The following TEX11 variants were observed in gnomAD, a reference collection of about 807,000 sequenced individuals.
TEX11 encodes the protein testis-expressed protein 11.
In TEX11, 7 loss-of-function variants were observed where a neutral mutation model predicts 84.4. That is an observed-to-expected ratio of 0.08 (90% CI 0.05 to 0.16). The LOEUF (loss-of-function observed/expected upper bound fraction) is 0.16. Ranked by LOEUF, TEX11 falls within the 10% of genes least tolerant of loss-of-function variation. TEX11 has a pLI of 1.00. For synonymous variants in TEX11, 264 were observed against 222.8 expected (o/e 1.18, Z -1.64); for missense variants, 551 against 660.5 (o/e 0.83, Z 1.82).
intron 4 of TEX11, among the ~76,000 whole-genome samples, chrX:70,870,319 A>G (rs1201254989): frequency 9.0e-6 from 1 of 111,134 alleles, no homozygotes; most frequent in Non-Finnish European, 1.9e-5. Context: ...ATAAATGACT[A>G]ATAAATATCC....
At chrX:70,649,091 C>T (rs1411466058) in intron 17 of TEX11, among the ~76,000 whole-genome samples, 1 of 111,944 alleles carries the variant, frequency 8.9e-6, no homozygotes, top group Non-Finnish European at 1.9e-5. Context: ...TGTATATGTA[C>T]CACATTTTCT....
At chrX:70,872,485 C>T (rs186354136) in intron 4 of TEX11, among the ~76,000 whole-genome samples, 1 of 112,201 alleles carries the variant, frequency 8.9e-6, no homozygotes, top group East Asian at 2.8e-4. Context: ...AGAGGTTCAC[C>T]CTTTGGTATG....
chrX:70,875,299 T>C (rs934102635), intron 3 of TEX11, among the ~76,000 whole-genome samples: 1 of 111,499 alleles, frequency 9.0e-6, no homozygotes, highest in Non-Finnish European at 1.9e-5. Context: ...GGGGGGATAA[T>C]CTTTGCACTT....
At chrX:70,579,904 T>C (rs2088747412) in intron 25 of TEX11, among the ~76,000 whole-genome samples, 1 of 112,087 alleles carries the variant, frequency 8.9e-6, no homozygotes. Flanking sequence ...GGTGGGAACA[T>C]AAATTAGTAC....
intron 9 of TEX11, among the ~76,000 whole-genome samples, chrX:70,804,259 A>G (rs2091205769): frequency 8.9e-6 from 1 of 111,793 alleles, no homozygotes; most frequent in Non-Finnish European, 1.9e-5. Context: ...TCATATGTAA[A>G]CCCCACAACA....
chrX:70,778,808 G>A (rs1461257751), intron 9 of TEX11, among the ~76,000 whole-genome samples: 3 of 111,058 alleles, frequency 2.7e-5, no homozygotes, highest in Admixed American at 1.9e-4. Context: ...GACCAAAATG[G>A]TATGAAACTA....
chrX:70,826,236 G>A (rs760475132), intron 8 of TEX11, among the ~76,000 whole-genome samples: 3 of 109,157 alleles, frequency 2.7e-5, no homozygotes, highest in Non-Finnish European at 3.8e-5. Flanking sequence ...GTTTGAACCC[G>A]GGAGGCGAAG....
intron 28 of TEX11, among the ~76,000 whole-genome samples, chrX:70,537,045 G>A (rs2087969185): frequency 9.0e-6 from 1 of 111,323 alleles, no homozygotes; most frequent in Admixed American, 9.6e-5. Context: ...AAGTAGAAGG[G>A]GATTGAACTG....
intron 8 of TEX11, among the ~76,000 whole-genome samples, chrX:70,823,713 AAT>A (rs1349360005): frequency 9.0e-6 from 1 of 111,326 alleles, no homozygotes; most frequent in Non-Finnish European, 1.9e-5. Flanking sequence ...TAACCATCAA[AAT>A]AGTGTTTTAG....
At chrX:70,539,038 A>ATATT in intron 28 of TEX11, among the ~76,000 whole-genome samples, 6 of 41,243 alleles carry the variant, frequency 1.5e-4, no homozygotes, top group South Asian at 2.6e-3. Flanking sequence ...ATATATATAT[A>ATATT]TTTTTTTTTT....
At chrX:70,557,666 C>T (rs1021977670) in intron 25 of TEX11, among the ~76,000 whole-genome samples, 1 of 111,405 alleles carries the variant, frequency 9.0e-6, no homozygotes, top group African/African-American at 3.3e-5. Flanking sequence ...AAGATGATAA[C>T]ACTCCCCAAA....
chrX:70,777,386 C>G (rs1017538169), intron 9 of TEX11, among the ~76,000 whole-genome samples: 1 of 111,451 alleles, frequency 9.0e-6, no homozygotes, highest in African/African-American at 3.3e-5. Context: ...CAGTGGCTCA[C>G]GCCTGTAATC....
At position 70,566,986 on chromosome X, in the gene TEX11, T is replaced by C. The variant is rs188376122; in HGVS notation, c.2141-12186A>G. On this transcript the variant is annotated intron_variant, in intron 25 of 29. Coordinates refer to ENST00000374333, the MANE Select transcript of TEX11 (RefSeq NM_031276.3). ...ATAGTTTCAGAAGGAATGGTACCGGTTCCTCCTTGTACCTCTGGTAGAATT... is the reference window on the plus strand; with the variant it reads ...ATAGTTTCAGAAGGAATGGTACCGGCTCCTCCTTGTACCTCTGGTAGAATT... 3.6e-4 allele frequency among the ~76,000 whole-genome samples: 40 copies of C among 111,643 alleles called. No individual in the cohort carries two copies. In the East Asian group the frequency reaches 9.3e-3, roughly 26 times the overall value.
Position 70,691,825 on chromosome X carries a change from A to C in TEX11, c.1005-9000T>G, listed in dbSNP as rs927071907. 9.9e-5 allele frequency among the ~76,000 whole-genome samples: 11 copies of C among 111,424 alleles called. No individual in the cohort carries two copies. In the East Asian group the frequency reaches 1.1e-3, roughly 11 times the overall value. On this transcript the variant is annotated intron_variant, in intron 13 of 29. Coordinates refer to ENST00000374333, the MANE Select transcript of TEX11 (RefSeq NM_031276.3). ...ACAGATCTCAAGTATCCTCTCTATA[A>C]AAAAAGGTAACCATGAAGTGGATAT...
chrX:70,685,587 T>A (rs993340431), intron 13 of TEX11, among the ~76,000 whole-genome samples: 11 of 111,865 alleles, frequency 9.8e-5, no homozygotes, highest in African/African-American at 2.9e-4. Flanking sequence ...GCAAAAAAAA[T>A]TTTTAAAGCA....
intron 17 of TEX11, among the ~76,000 whole-genome samples, chrX:70,639,572 G>C (rs1179823117): frequency 1.8e-5 from 2 of 111,882 alleles, no homozygotes; most frequent in Non-Finnish European, 3.8e-5. Flanking sequence ...CTGGAGATCT[G>C]AGAACGGGCA....
chrX:70,526,029 G>T (rs998679281), downstream of TEX11, among the ~76,000 whole-genome samples: 9 of 111,668 alleles, frequency 8.1e-5, no homozygotes, highest in African/African-American at 2.9e-4. Context: ...TAGACTGGCG[G>T]CTCCCTTGAT....
intron 25 of TEX11, among the ~76,000 whole-genome samples, chrX:70,567,384 G>T (rs1037626409): frequency 4.2e-4 from 47 of 111,150 alleles, no homozygotes; most frequent in Non-Finnish European, 8.1e-4. Flanking sequence ...TTTTGAAGGG[G>T]TTTTTGCGTC....
At chrX:70,780,721 GTTC>G (rs1432494648) in intron 9 of TEX11, among the ~76,000 whole-genome samples, 3 of 112,721 alleles carry the variant, frequency 2.7e-5, no homozygotes, top group Non-Finnish European at 5.6e-5. Flanking sequence ...ATCAGTTTGA[GTTC>G]TAACTGCAAG....
Sources: allele counts gnomAD v4.1 joint callset (sites outside exome capture counted in the v4.1 genomes callset), GRCh38; gene constraint gnomAD v4.1.1; transcripts MANE v1.5; gene names NCBI Gene and HGNC (gene_info 2026-07-23, HGNC 2026-07-21).